RGSL1: variants seen among roughly 807,000 people sequenced by gnomAD.
RGSL1 encodes regulator of G protein signaling like 1, also known as regulator of G protein signaling protein-like.
In RGSL1, 97 loss-of-function variants were observed where a neutral mutation model predicts 124.7. The ratio of observed to expected loss-of-function variants is 0.78; its 90% CI spans 0.66 to 0.92. The LOEUF (loss-of-function observed/expected upper bound fraction) is 0.92, where lower values mean the gene tolerates loss of function less well. Among genes scored for constraint, RGSL1 ranks in the 40% least tolerant of loss-of-function variants. RGSL1 has a pLI of 0.00. For synonymous variants in RGSL1, 424 were observed against 438.1 expected, an observed-to-expected ratio of 0.97 and a Z score of 0.40; for missense variants, 1,233 against 1,288.4, an observed-to-expected ratio of 0.96 and a Z score of 0.66.
intron 5 of RGSL1, 160 bp downstream of exon 5, chr1:182,472,717 T>C (rs182176296): frequency 7.5e-6 from 5 of 671,070 alleles, no homozygotes; most frequent in Admixed American, 3.3e-5. Flanking sequence ...CAGGAAAGTA[T>C]TGAAAGACAC....
intron 18 of RGSL1, among the ~76,000 whole-genome samples, chr1:182,551,990 G>A (rs1049503026): frequency 6.0e-4 from 92 of 152,248 alleles, no homozygotes; most frequent in Admixed American, 2.5e-3. Flanking sequence ...AGTGTGTAGT[G>A]GGCTCTGCCA....
intron 9 of RGSL1, among the ~76,000 whole-genome samples, chr1:182,494,004 CT>C (rs967310382): frequency 1.3e-5 from 2 of 152,174 alleles, no homozygotes; most frequent in Non-Finnish European, 2.9e-5. Flanking sequence ...TAATATTCCT[CT>C]TCTTCCTCTC....
At chr1:182,526,987 G>A (rs1406652736) in intron 10 of RGSL1, among the ~76,000 whole-genome samples, 3 of 152,148 alleles carry the variant, frequency 2.0e-5, no homozygotes, top group East Asian at 1.9e-4. Context: ...GAGGTTTGAC[G>A]TGGGCAGTTG....
chr1:182,481,782 C>T (rs1208007800), intron 6 of RGSL1, among the ~76,000 whole-genome samples: 1 of 152,058 alleles, frequency 6.6e-6, no homozygotes, highest in Non-Finnish European at 1.5e-5. Flanking sequence ...GAGTTCAAGA[C>T]CAGCCTAGGC....
chr1:182,483,712 G>A (rs557317281), intron 6 of RGSL1, among the ~76,000 whole-genome samples: 2 of 152,184 alleles, frequency 1.3e-5, no homozygotes, highest in East Asian at 1.9e-4. Context: ...TTGTGTCACA[G>A]CAGTTTATTG....
intron 9 of RGSL1, among the ~76,000 whole-genome samples, chr1:182,519,803 G>T (rs1658191857): frequency 6.6e-6 from 1 of 151,814 alleles, no homozygotes; most frequent in Non-Finnish European, 1.5e-5. Flanking sequence ...CTAACTCCTA[G>T]TTCAACAATT....
chr1:182,476,804 G>A (rs1654320723), intron 6 of RGSL1, among the ~76,000 whole-genome samples: 1 of 151,724 alleles, frequency 6.6e-6, no homozygotes, highest in African/African-American at 2.4e-5. Context: ...CCCACCCCAT[G>A]CTCATCATCA....
rs1177370085 is a variant in RGSL1, at chr1:182,522,281, AT to A, written c.1931+174del. 2.0e-5 allele frequency among the ~76,000 whole-genome samples: 3 copies of A among 152,354 alleles called. No homozygotes were observed. In the East Asian group the frequency reaches 5.8e-4, roughly 29 times the overall value. On this transcript the variant is annotated intron_variant, in intron 10 of 21. Coordinates refer to ENST00000294854, the MANE Select transcript of RGSL1 (RefSeq NM_001137669.2). ...TATTTTAAATCATTTATTTTCTAAA[AT>A]TAGCACTATGCTATATATGTATATA...
intron 9 of RGSL1, among the ~76,000 whole-genome samples, chr1:182,519,809 C>T (rs1009008567): frequency 6.6e-6 from 1 of 152,034 alleles, no homozygotes; most frequent in Non-Finnish European, 1.5e-5. Context: ...CCTAGTTCAA[C>T]AATTTTCTCT....
intron 6 of RGSL1, among the ~76,000 whole-genome samples, chr1:182,484,821 C>T (rs1026134919): frequency 6.6e-6 from 1 of 152,122 alleles, no homozygotes; most frequent in African/African-American, 2.4e-5. Flanking sequence ...TGGTTGGCCC[C>T]AAGGGGAAGA....
chr1:182,525,260 A>G (rs773251595), intron 10 of RGSL1, among the ~76,000 whole-genome samples: 20 of 152,142 alleles, frequency 1.3e-4, no homozygotes, highest in Non-Finnish European at 2.5e-4. Flanking sequence ...AAATCCCAGG[A>G]AAGTATGGTC....
At chr1:182,454,439 C>A (rs533990186) in intron 2 of RGSL1, among the ~76,000 whole-genome samples, 58 of 152,252 alleles carry the variant, frequency 3.8e-4, no homozygotes, top group Non-Finnish European at 6.9e-4. Context: ...TCCCATAGTT[C>A]CACCTACGAA....
At chr1:182,498,185 G>C (rs1332191738) in intron 9 of RGSL1, among the ~76,000 whole-genome samples, 2 of 151,634 alleles carry the variant, frequency 1.3e-5, no homozygotes, top group Non-Finnish European at 2.9e-5. Context: ...TTATTCAATG[G>C]GTTATAATTC....
At chr1:182,460,547 C>T (rs1446103582) in intron 4 of RGSL1, 1 of 431,000 alleles carries the variant, frequency 2.3e-6, no homozygotes, top group African/African-American at 2.0e-5. Flanking sequence ...GTTTAAGCCT[C>T]CAGAATTTCT....
intron 9 of RGSL1, among the ~76,000 whole-genome samples, chr1:182,505,187 T>G (rs1395318863): frequency 6.6e-6 from 1 of 151,910 alleles, no homozygotes; most frequent in East Asian, 2.0e-4. Flanking sequence ...TCCCCATCCT[T>G]GGAAACACTC....
intron 6 of RGSL1, among the ~76,000 whole-genome samples, chr1:182,486,274 AATTT>A (rs1369469725): frequency 1.3e-5 from 2 of 151,748 alleles, no homozygotes; most frequent in Non-Finnish European, 2.9e-5. Flanking sequence ...TTAAGAAATA[AATTT>A]ATTTATCTAT....
chr1:182,475,841 A>G (rs1398677148), intron 6 of RGSL1, among the ~76,000 whole-genome samples: 1 of 152,230 alleles, frequency 6.6e-6, no homozygotes, highest in African/African-American at 2.4e-5. Context: ...TAGATAAAAA[A>G]CATCAAATTA....
At chr1:182,513,400 G>A (rs1242474425) in intron 9 of RGSL1, among the ~76,000 whole-genome samples, 2 of 152,154 alleles carry the variant, frequency 1.3e-5, no homozygotes, top group Non-Finnish European at 2.9e-5. Flanking sequence ...AAGTATGCAT[G>A]GGTTAAACAT....
chr1:182,538,838 C>T lies in RGSL1; in HGVS notation c.2495-1409C>T, dbSNP rs117987513. 2.0e-4 allele frequency among the ~76,000 whole-genome samples: 30 copies of T among 152,142 alleles called. No homozygotes were observed. In the East Asian group the frequency reaches 4.8e-3, roughly 25 times the overall value. ...AGTCCTGACCCCGAGAACACTTAAG[C>T]GGCTTTTGGAACAAATGAAAGATGA... On this transcript the variant is annotated intron_variant, in intron 14 of 21. Coordinates refer to ENST00000294854, the MANE Select transcript of RGSL1 (RefSeq NM_001137669.2).
Sources: allele counts gnomAD v4.1 joint callset (sites outside exome capture counted in the v4.1 genomes callset), GRCh38; gene constraint gnomAD v4.1.1; transcripts MANE v1.5; gene names NCBI Gene and HGNC (gene_info 2026-07-23, HGNC 2026-07-21).